TMEM45A: variants seen among roughly 807,000 people sequenced by gnomAD.
TMEM45A encodes DNA polymerase-transactivated protein 4.
In TMEM45A, 25 loss-of-function variants were observed where a neutral mutation model predicts 32.0. The observed-to-expected ratio is 0.78, with a 90% CI of 0.57 to 1.09. TMEM45A has a LOEUF of 1.09. Ranked by LOEUF, TMEM45A falls within the 50% of genes least tolerant of loss-of-function variation. The pLI, the probability that TMEM45A is intolerant of heterozygous loss-of-function variation, is 0.00. For missense variants in TMEM45A, 302 were observed against 325.0 expected (o/e 0.93, Z 0.54); for synonymous variants, 122 against 114.8 (o/e 1.06, Z -0.40).
chr3:100,519,216 T>C, intron 1 of TMEM45A: 1 of 270,966 alleles, frequency 3.7e-6, no homozygotes, highest in Non-Finnish European at 7.0e-6. Flanking sequence ...TGGTGAAATC[T>C]ACTTGAGCAT....
intron 4 of TMEM45A, among the ~76,000 whole-genome samples, chr3:100,561,846 A>G (rs887765736): frequency 1.2e-4 from 18 of 152,174 alleles, no homozygotes; most frequent in African/African-American, 3.1e-4. Context: ...GTCCCCCCAG[A>G]GATTCCTCCC....
At chr3:100,568,064 C>A (rs920985582) in intron 4 of TMEM45A, among the ~76,000 whole-genome samples, 1 of 152,146 alleles carries the variant, frequency 6.6e-6, no homozygotes, top group East Asian at 1.9e-4. Context: ...AGATTACAGG[C>A]GTGAGCCACC....
intron 1 of TMEM45A, among the ~76,000 whole-genome samples, chr3:100,542,312 G>A (rs1705899210): frequency 6.6e-6 from 1 of 152,094 alleles, no homozygotes; most frequent in Non-Finnish European, 1.5e-5. Context: ...ATTTGTTTAT[G>A]TCATCTATGA....
intron 1 of TMEM45A, among the ~76,000 whole-genome samples, chr3:100,538,055 T>C (rs1055575087): frequency 6.6e-6 from 1 of 152,220 alleles, no homozygotes; most frequent in African/African-American, 2.4e-5. Flanking sequence ...AAGATTGCTA[T>C]AAGGAAAGGT....
chr3:100,509,900 G>A (rs191088234), intron 1 of TMEM45A, among the ~76,000 whole-genome samples: 104 of 152,296 alleles, frequency 6.8e-4, no homozygotes, highest in African/African-American at 2.1e-3. Flanking sequence ...CGAATACTGC[G>A]CTTTTCCAAC....
chr3:100,531,613 G>A (rs1330644099), intron 1 of TMEM45A, among the ~76,000 whole-genome samples: 2 of 152,160 alleles, frequency 1.3e-5, no homozygotes, highest in East Asian at 1.9e-4. Context: ...CTATCATGAT[G>A]GTAGTAAGCA....
In TMEM45A at chr3:100,576,981, A is replaced by T. The variant is rs756630243; in HGVS notation, c.791A>T (p.Asn264Ile). 3.7e-6 allele frequency: 6 copies of T among 1,613,662 alleles called. No individual in the cohort carries two copies. The Admixed American group carries it at 1.0e-4, about 27-fold the overall frequency. Residue 264 changes from asparagine (N) to isoleucine (I), a missense_variant, in exon 6 of 6, where the codon AAT becomes ATT. Physicochemically the swap from Asn to Ile is moderately radical, Grantham distance 149 (BLOSUM62 -3). Coordinates refer to ENST00000323523, the MANE Select transcript of TMEM45A (RefSeq NM_018004.3). ...LCSSEVGLLK[N>I]AEREQESEEE... is the part of the protein sequence containing the mutation. The stretch of plus-strand genomic sequence containing the variant: ...TCCTCAGAAGTTGGACTTCTGAAAA[A>T]TGCTGAACGAGAACAAGAATCAGAA...
At chr3:100,505,640 A>G (rs1441106735) in intron 1 of TMEM45A, among the ~76,000 whole-genome samples, 3 of 152,230 alleles carry the variant, frequency 2.0e-5, no homozygotes, top group African/African-American at 7.2e-5. Flanking sequence ...GAGTGCAAAG[A>G]GTTTTAAAGA....
intron 1 of TMEM45A, among the ~76,000 whole-genome samples, chr3:100,504,101 G>T (rs1302249380): frequency 1.3e-5 from 2 of 152,092 alleles, no homozygotes; most frequent in East Asian, 3.9e-4. Context: ...CTGGGAGAGA[G>T]AAACACTGTC....
chr3:100,557,963 C>T (rs1342257869), intron 3 of TMEM45A, among the ~76,000 whole-genome samples: 1 of 152,220 alleles, frequency 6.6e-6, no homozygotes, highest in East Asian at 1.9e-4. Flanking sequence ...TTGACTTATT[C>T]ATCTGTGTGC....
chr3:100,521,359 A>G (rs1274989361), intron 1 of TMEM45A, among the ~76,000 whole-genome samples: 1 of 151,736 alleles, frequency 6.6e-6, no homozygotes, highest in Non-Finnish European at 1.5e-5. Context: ...GGTTCAAGTG[A>G]TTCTCCTGCC....
chr3:100,513,281 T>C (rs184821694), intron 1 of TMEM45A, among the ~76,000 whole-genome samples: 2,398 of 152,186 alleles, frequency 0.016, 30 homozygotes, highest in Middle Eastern at 0.078. Context: ...TCCACCATGA[T>C]CAAGTGGGCT....
At chr3:100,571,942 T>C (rs1409261049) in intron 5 of TMEM45A, 2 of 152,358 alleles carry the variant, frequency 1.3e-5, no homozygotes, top group East Asian at 1.9e-4. Flanking sequence ...TCATTTTTTA[T>C]GGCTGCATAG....
chr3:100,493,120 CTTTTTTTTTTT>C (rs570241165), intron 1 of TMEM45A, among the ~76,000 whole-genome samples, 192 bp downstream of exon 1: 3 of 115,916 alleles, frequency 2.6e-5, no homozygotes, highest in Non-Finnish European at 5.3e-5. Context: ...GTTTGCTATT[CTTTTTTTTTTT>C]TTTTTTTTTT....
intron 1 of TMEM45A, among the ~76,000 whole-genome samples, chr3:100,528,834 A>G (rs996252374): frequency 6.6e-6 from 1 of 152,252 alleles, no homozygotes; most frequent in African/African-American, 2.4e-5. Context: ...TTCCAAAAGC[A>G]TGCAGAACAC....
At chr3:100,503,006 T>TTCTCCTCCTTCTCCA (rs1708027368) in intron 1 of TMEM45A, among the ~76,000 whole-genome samples, 1 of 151,650 alleles carries the variant, frequency 6.6e-6, no homozygotes, top group Non-Finnish European at 1.5e-5. Flanking sequence ...CTCCTCCTCC[T>TTCTCCTCCTTCTCCA]TCTCCTCCTT....
At chr3:100,539,438 T>TATATGCATATGCATATGCATATGC (rs1553682659) in intron 1 of TMEM45A, among the ~76,000 whole-genome samples, 19 of 108,942 alleles carry the variant, frequency 1.7e-4, no homozygotes, top group African/African-American at 5.9e-4. Flanking sequence ...ATAGGATATG[T>TATATGCATATGCATATGCATATGC]ATATGTATAT....
chr3:100,560,558 C>T (rs1234018991), intron 4 of TMEM45A, among the ~76,000 whole-genome samples: 4 of 151,738 alleles, frequency 2.6e-5, no homozygotes, highest in African/African-American at 4.8e-5. Flanking sequence ...AATTGTTTTA[C>T]GGTCAGGGAA....
intron 5 of TMEM45A, chr3:100,571,007 A>G (rs1706545663): frequency 6.6e-6 from 1 of 152,134 alleles, no homozygotes; most frequent in Non-Finnish European, 1.5e-5. Flanking sequence ...TTTTATTATG[A>G]AAAACATATG....
Sources: gnomAD v4.1 joint callset for allele counts (sites outside exome capture counted in the v4.1 genomes callset) on GRCh38, gnomAD v4.1.1 for gene constraint, MANE v1.5 for transcripts, NCBI Gene and HGNC (gene_info 2026-07-23, HGNC 2026-07-21) for gene names.